Variants in PINX1 observed in about 807,000 individuals in gnomAD.
PINX1 encodes the protein PIN2 (TERF1) interacting telomerase inhibitor 1.
In PINX1, 34 loss-of-function variants were observed where a neutral mutation model predicts 25.4. The ratio of observed to expected loss-of-function variants is 1.34; its 90% CI spans 1.02 to 1.78. PINX1 has a LOEUF of 1.78. Among genes scored for constraint, PINX1 ranks in the 40% most tolerant of loss-of-function variants. PINX1 has a pLI of 0.00. For synonymous variants in PINX1, 197 were observed against 147.7 expected (o/e 1.33, Z -2.42); for missense variants, 592 against 404.9 (o/e 1.46, Z -3.97).
rs961284806 is a variant in PINX1 at position 10,789,804 on chromosome 8, G to A, written c.472-23888C>T. Among the ~76,000 whole-genome samples the A allele has an allele frequency of 6.1e-4, 93 of 152,156 alleles. 1 individual carries two copies. Among genetic ancestry groups the A allele is most frequent in the African/African-American group, 2.1e-3 (87 of 41,516 alleles). ...TGAGACCACACACACACACCTCCACGTGCCCAGCTTTTCACTGTGGTTATC... is the reference window on the plus strand; with the variant it reads ...TGAGACCACACACACACACCTCCACATGCCCAGCTTTTCACTGTGGTTATC... On this transcript the variant is annotated intron_variant, in intron 6 of 6. Coordinates refer to ENST00000314787, the MANE Select transcript of PINX1 (RefSeq NM_017884.6).
chr8:10,795,464 G>C (rs751674549), intron 6 of PINX1, among the ~76,000 whole-genome samples: 1 of 152,182 alleles, frequency 6.6e-6, no homozygotes, highest in Non-Finnish European at 1.5e-5. Flanking sequence ...GCGGTGGCGC[G>C]ATCTCGGCTC....
At chr8:10,831,869 A>C (rs981703820) in intron 3 of PINX1, 126 bp from the exon 4 acceptor site, 21 of 644,874 alleles carry the variant, frequency 3.3e-5, no homozygotes, top group African/African-American at 3.1e-4. Context: ...CCATCAAAAT[A>C]CTATTTGATA....
At chr8:10,815,277 G>A (rs889382948) in intron 6 of PINX1, among the ~76,000 whole-genome samples, 1 of 152,236 alleles carries the variant, frequency 6.6e-6, no homozygotes, top group Non-Finnish European at 1.5e-5. Flanking sequence ...AGGTCAGAGA[G>A]AGGACAGAAA....
At chr8:10,836,986 C>A (rs1798424717) in intron 1 of PINX1, among the ~76,000 whole-genome samples, 1 of 152,132 alleles carries the variant, frequency 6.6e-6, no homozygotes, top group Non-Finnish European at 1.5e-5. Context: ...AATTCTCATG[C>A]CACAGTCTGT....
chr8:10,828,944 A>T (rs1159691743), intron 4 of PINX1, among the ~76,000 whole-genome samples: 3 of 152,214 alleles, frequency 2.0e-5, no homozygotes, highest in East Asian at 1.9e-4. Flanking sequence ...GTGTTTAATA[A>T]GCATTCATTA....
At chr8:10,831,036 G>C (rs971958162) in intron 4 of PINX1, among the ~76,000 whole-genome samples, 6 of 152,338 alleles carry the variant, frequency 3.9e-5, no homozygotes, top group Non-Finnish European at 8.8e-5. Flanking sequence ...CCAAGATATG[G>C]AATCAACCTA....
chr8:10,800,509 G>A (rs978998778), intron 6 of PINX1, among the ~76,000 whole-genome samples: 10 of 147,688 alleles, frequency 6.8e-5, no homozygotes, highest in Non-Finnish European at 1.0e-4. Flanking sequence ...TCACTCTGTT[G>A]CCCAGGCTGG....
rs1798343598 is a variant in PINX1 at position 10,834,688 on chromosome 8, T to C, written c.107A>G (p.Lys36Arg). The change falls in exon 2 of 7, where the codon AAG becomes AGG. Residue 36 changes from lysine (K) to arginine (R), a missense_variant. Lys to Arg is a conservative substitution (Grantham distance 26). Coordinates refer to ENST00000314787, the MANE Select transcript of PINX1 (RefSeq NM_017884.6). ...TACCTTTCCTTTAGACCACCCCATC[T>C]TCTCTAGCATCCGCTGGCCAAACTT... Reference protein sequence around the residue: ...DSKFGQRMLEKMGWSKGKGLG... With the variant: ...DSKFGQRMLERMGWSKGKGLG... 1 of 1,613,724 alleles carries C rather than the reference T, an allele frequency of 6.2e-7. No individual in the cohort carries two copies. The highest frequency in any genetic ancestry group is 1.3e-5 in the African/African-American group (1 of 74,922).
intron 4 of PINX1, among the ~76,000 whole-genome samples, chr8:10,831,269 A>G (rs77611743): frequency 0.023 from 3,474 of 152,320 alleles, 151 homozygotes; most frequent in African/African-American, 0.079. Context: ...AATAGTGGTT[A>G]TTAGAGCTGC....
chr8:10,802,406 C>A (rs1366916285), intron 6 of PINX1, among the ~76,000 whole-genome samples: 1 of 152,206 alleles, frequency 6.6e-6, no homozygotes, highest in Non-Finnish European at 1.5e-5. Context: ...ATGAAGACAA[C>A]CTGCACTCTG....
chr8:10,784,942 TC>T (rs1203969196), intron 6 of PINX1, among the ~76,000 whole-genome samples: 1 of 152,170 alleles, frequency 6.6e-6, no homozygotes, highest in Non-Finnish European at 1.5e-5. Context: ...ACATGCAAAC[TC>T]TGAGTGAACT....
intron 4 of PINX1, among the ~76,000 whole-genome samples, chr8:10,829,189 G>C (rs1035336757): frequency 6.6e-6 from 1 of 151,684 alleles, no homozygotes; most frequent in African/African-American, 2.4e-5. Flanking sequence ...AGGAGGCTGA[G>C]GCAGGAGAAT....
intron 6 of PINX1, among the ~76,000 whole-genome samples, chr8:10,812,165 T>A (rs972514390): frequency 7.9e-5 from 12 of 152,190 alleles, no homozygotes; most frequent in African/African-American, 2.9e-4. Context: ...TTACCTGAAG[T>A]CTATTTGATC....
At chr8:10,804,021 C>A (rs1010075185) in intron 6 of PINX1, among the ~76,000 whole-genome samples, 2 of 152,140 alleles carry the variant, frequency 1.3e-5, no homozygotes, top group African/African-American at 4.8e-5. Flanking sequence ...CATATAGTTA[C>A]CTAGTTACCT....
At chr8:10,795,779 C>A (rs1802066190) in intron 6 of PINX1, among the ~76,000 whole-genome samples, 1 of 152,180 alleles carries the variant, frequency 6.6e-6, no homozygotes, top group Non-Finnish European at 1.5e-5. Context: ...GTAAAGTGAT[C>A]TCACTTTTTA....
intron 4 of PINX1, among the ~76,000 whole-genome samples, chr8:10,826,620 G>A (rs1359238999): frequency 2.0e-5 from 3 of 152,174 alleles, no homozygotes; most frequent in African/African-American, 7.2e-5. Flanking sequence ...GTGAATGCAT[G>A]AACAGCTGAG....
chr8:10,799,551 G>A (rs966035746), intron 6 of PINX1, among the ~76,000 whole-genome samples: 1 of 152,152 alleles, frequency 6.6e-6, no homozygotes, highest in Non-Finnish European at 1.5e-5. Flanking sequence ...ACTTCAATAC[G>A]CTTTGAAATG....
chr8:10,815,548 T>C (rs1416159898), intron 6 of PINX1, among the ~76,000 whole-genome samples: 2 of 152,204 alleles, frequency 1.3e-5, no homozygotes, highest in African/African-American at 2.4e-5. Context: ...TTAAAGCTTC[T>C]TTTTGGACCA....
intron 6 of PINX1, among the ~76,000 whole-genome samples, chr8:10,808,073 G>A (rs754721969): frequency 2.0e-5 from 3 of 152,104 alleles, no homozygotes; most frequent in Non-Finnish European, 4.4e-5. Flanking sequence ...ACCAAAAATT[G>A]TTACAGGAAA....
Sources: gnomAD v4.1 joint callset for allele counts (sites outside exome capture counted in the v4.1 genomes callset) on GRCh38, gnomAD v4.1.1 for gene constraint, MANE v1.5 for transcripts, NCBI Gene and HGNC (gene_info 2026-07-23, HGNC 2026-07-21) for gene names.